PTPN3: variants seen among roughly 807,000 people sequenced by gnomAD.
PTPN3 encodes the protein tyrosine-protein phosphatase non-receptor type 3.
Under a neutral mutation model 132.7 loss-of-function variants are expected in PTPN3, and 96 were observed. The observed-to-expected ratio is 0.72, with a 90% CI of 0.61 to 0.86. PTPN3 has a LOEUF of 0.86. Among genes scored for constraint, PTPN3 ranks in the 40% least tolerant of loss-of-function variants. The pLI, the probability that PTPN3 is intolerant of heterozygous loss-of-function variation, is 0.00. For synonymous variants in PTPN3, 398 were observed against 429.0 expected (o/e 0.93, Z 0.89); for missense variants, 1,125 against 1,159.6 (o/e 0.97, Z 0.43).
intron 1 of PTPN3, among the ~76,000 whole-genome samples, chr9:109,479,532 T>C (rs1300148387): frequency 6.6e-6 from 1 of 152,252 alleles, no homozygotes; most frequent in East Asian, 1.9e-4. Context: ...TTCAGGTATA[T>C]ACGTAGGAGT....
At chr9:109,386,958 T>G (rs1206695400) in intron 22 of PTPN3, among the ~76,000 whole-genome samples, 1 of 151,902 alleles carries the variant, frequency 6.6e-6, no homozygotes, top group Non-Finnish European at 1.5e-5. Flanking sequence ...GGTGAGGGTT[T>G]GGGGGACAGA....
intron 18 of PTPN3, among the ~76,000 whole-genome samples, chr9:109,405,507 C>T (rs2131726427): frequency 6.6e-6 from 1 of 152,324 alleles, no homozygotes; most frequent in African/African-American, 2.4e-5. Flanking sequence ...ATAAAGACAA[C>T]AGTGTGATGC....
At chr9:109,431,268 G>A (rs1314584496) in intron 10 of PTPN3, among the ~76,000 whole-genome samples, 2 of 152,238 alleles carry the variant, frequency 1.3e-5, no homozygotes, top group Non-Finnish European at 2.9e-5. Context: ...TCTCTCTCCT[G>A]CAGTGACCTT....
In PTPN3 at chr9:109,406,535, G is replaced by C. The variant is rs140140279; in HGVS notation, c.1719C>G (p.Asp573Glu). 1.2e-6 allele frequency: 2 copies of C among 1,614,050 alleles called. No individual in the cohort carries two copies. The highest frequency in any genetic ancestry group is 1.7e-6 in the Non-Finnish European group (2 of 1,180,048). Residue 573 changes from aspartate to glutamate, a missense_variant, in exon 18 of 26, where the codon GAC (aspartate) becomes GAG (glutamate). Asp to Glu is a conservative substitution (Grantham distance 45). Coordinates refer to ENST00000374541, the MANE Select transcript of PTPN3 (RefSeq NM_002829.4). ...NGRDISEHTH[D>E]QVVMFIKASR... is the part of the protein sequence containing the mutation. ...TGGCTTTGATGAACATCACCACTTG[G>C]TCATGCGTGTGTTCTGAGATGTCCC...
intron 5 of PTPN3, chr9:109,450,451 T>C (rs1479971308): frequency 1.0e-6 from 1 of 983,124 alleles, no homozygotes; most frequent in East Asian, 1.1e-4. Flanking sequence ...AGCTAATCAG[T>C]ATGTCTTCCT....
At chr9:109,431,300 C>T (rs924151791) in intron 10 of PTPN3, among the ~76,000 whole-genome samples, 1 of 152,226 alleles carries the variant, frequency 6.6e-6, no homozygotes, top group Non-Finnish European at 1.5e-5. Context: ...ATCTTCTCCA[C>T]AATGTGAGGG....
At chr9:109,387,530 C>T (rs188351094) in intron 22 of PTPN3, among the ~76,000 whole-genome samples, 127 of 152,286 alleles carry the variant, frequency 8.3e-4, no homozygotes, top group Admixed American at 2.9e-3. Context: ...CACTATGCCA[C>T]GTGGAGCACC....
At chr9:109,443,490 C>T (rs1227722003) in intron 7 of PTPN3, among the ~76,000 whole-genome samples, 1 of 152,096 alleles carries the variant, frequency 6.6e-6, no homozygotes, top group Non-Finnish European at 1.5e-5. Flanking sequence ...GGATTACATG[C>T]GTGAGCCACC....
At chr9:109,403,286 C>G (rs968412860) in intron 19 of PTPN3, among the ~76,000 whole-genome samples, 1 of 152,170 alleles carries the variant, frequency 6.6e-6, no homozygotes, top group African/African-American at 2.4e-5. Context: ...ATTACTCATG[C>G]CTTCCTCAAT....
chr9:109,481,720 C>T (rs565833144), intron 1 of PTPN3, among the ~76,000 whole-genome samples: 1 of 152,314 alleles, frequency 6.6e-6, no homozygotes, highest in South Asian at 2.1e-4. Flanking sequence ...GTCCAGTGCA[C>T]ATGAGGCACT....
chr9:109,389,273 G>T lies in PTPN3; in HGVS notation c.2213C>A (p.Ser738Ter). ...FWQVVWDQKL[S>*]LIVMLTTLTE... ...GAGAGTCGTCAACATGACAATGAGT[G>T]ACAACTTCTGATCCCAGACAACCTG... The change falls in exon 22 of 26, where the codon TCA becomes TAA. Residue 738 changes from serine (S) to a stop codon, truncating the protein, a stop_gained. Transcript: ENST00000374541. LOFTEE classifies it high-confidence loss of function. The T allele has an allele frequency of 6.2e-7, 1 of 1,614,186 alleles. No homozygotes were observed. Among genetic ancestry groups the T allele is most frequent in the Non-Finnish European group, 8.5e-7 (1 of 1,180,032 alleles).
chr9:109,381,921 G>C (rs2131585521), intron 24 of PTPN3, 134 bp from the exon 25 acceptor site: 2 of 1,070,962 alleles, frequency 1.9e-6, no homozygotes, highest in East Asian at 2.6e-5. Flanking sequence ...CACACTCACG[G>C]CGTGCTCTCA....
chr9:109,534,186 G>A, the PTPN3 span: 1 of 1,025,324 alleles, frequency 9.8e-7, no homozygotes, highest in Non-Finnish European at 1.5e-6. Context: ...TGTCCCCGCC[G>A]GCAGGTGCTG....
At chr9:109,537,040 T>C in the PTPN3 span, among the ~76,000 whole-genome samples, 1 of 151,926 alleles carries the variant, frequency 6.6e-6, no homozygotes, top group Non-Finnish European at 1.5e-5. Context: ...TGGCTCCCTC[T>C]CCGTAGCCCC....
rs1846088494 is a variant in PTPN3 at position 109,466,097 on chromosome 9, T to C, written c.-17-2646A>G. Reference sequence around the variant, plus strand: ...CTTAGAACTCATGATGTGTATTTAATATCTGCTTCTCCCACTAGATGCGAA... The same window carrying C: ...CTTAGAACTCATGATGTGTATTTAACATCTGCTTCTCCCACTAGATGCGAA... On this transcript the variant is annotated intron_variant, in intron 1 of 25. Transcript: ENST00000374541. 1.3e-5 allele frequency among the ~76,000 whole-genome samples: 2 copies of C among 152,170 alleles called. 1 individual carries two copies. Among genetic ancestry groups the C allele is most frequent in the South Asian group, 4.1e-4 (2 of 4,828 alleles).
chr9:109,427,197 G>A lies in PTPN3; in HGVS notation c.829-75C>T. On this transcript the variant is annotated intron_variant, in intron 11 of 25. Transcript: ENST00000374541. ...GACTTGTAAGCATTTAACCCACATT[G>A]GTGAAATGAGGTAAGATGCAACAGA... The A allele has an allele frequency of 3.4e-6, 5 of 1,476,316 alleles. No homozygotes were observed. The South Asian group carries it at 6.2e-5, about 18-fold the overall frequency. 91.5% of individuals were successfully genotyped at this position (1,476,316 alleles called of 1,614,324 possible).
chr9:109,479,883 C>T (rs1846879265), intron 1 of PTPN3, among the ~76,000 whole-genome samples: 1 of 152,138 alleles, frequency 6.6e-6, no homozygotes, highest in African/African-American at 2.4e-5. Flanking sequence ...TTATGTACAG[C>T]TTTTTGGGGA....
chr9:109,526,937 T>C, the PTPN3 span, among the ~76,000 whole-genome samples: 1 of 152,094 alleles, frequency 6.6e-6, no homozygotes, highest in Admixed American at 6.6e-5. Flanking sequence ...TTTCAGTAAG[T>C]GGTGCTGGGT....
chr9:109,418,804 G>A (rs989246253), intron 14 of PTPN3, among the ~76,000 whole-genome samples: 2 of 152,182 alleles, frequency 1.3e-5, no homozygotes, highest in Non-Finnish European at 2.9e-5. Context: ...GGTGGCTGCT[G>A]TACTGGACAG....
Sources: allele counts gnomAD v4.1 joint callset (sites outside exome capture counted in the v4.1 genomes callset), GRCh38; gene constraint gnomAD v4.1.1; transcripts MANE v1.5; gene names NCBI Gene and HGNC (gene_info 2026-07-23, HGNC 2026-07-21).